ARHGAP35: variants seen among roughly 807,000 people sequenced by gnomAD.
The protein encoded by ARHGAP35 is Rho GTPase activating protein 35, also known as rho GTPase-activating protein 35.
A neutral mutation model predicts 111.1 loss-of-function variants in ARHGAP35; 15 were observed. The ratio of observed to expected loss-of-function variants is 0.13; its 90% CI spans 0.09 to 0.21. The LOEUF (loss-of-function observed/expected upper bound fraction) is 0.21, where lower values mean the gene tolerates loss of function less well. ARHGAP35 is among the 10% of genes least tolerant of loss of function. The pLI is 1.00. For missense variants in ARHGAP35, 1,262 were observed against 1,873.0 expected, an observed-to-expected ratio of 0.67 and a Z score of 6.02; for synonymous variants, 643 against 710.3, an observed-to-expected ratio of 0.91 and a Z score of 1.51.
In ARHGAP35 at chr19:46,918,446, A is replaced by T. The variant is rs1599816213; in HGVS notation, c.-188-42A>T. On this transcript the variant is annotated intron_variant, in intron 1 of 6. Coordinates refer to ENST00000672722, the MANE Select transcript of ARHGAP35 (RefSeq NM_004491.5). The surrounding 1 kb of genome is among the most constrained non-coding windows in gnomAD (Gnocchi z 5.4). ...TAATTGATTAAAATTTGGTTCTAAA[A>T]TTATGATGCTGATGGGTTTTCTTTT... Among the ~76,000 whole-genome samples, 1 of 152,302 alleles carries T rather than the reference A, an allele frequency of 6.6e-6. No homozygotes were observed. The highest frequency in any genetic ancestry group is 1.5e-5 in the Non-Finnish European group (1 of 68,030).
At chr19:46,983,654 C>A (rs1177620510) in intron 3 of ARHGAP35, among the ~76,000 whole-genome samples, 2 of 133,056 alleles carry the variant, frequency 1.5e-5, no homozygotes, top group Non-Finnish European at 3.1e-5. Context: ...CGCTTTGTCA[C>A]CCAGGCTGGA....
intron 2 of ARHGAP35, 62 bp from the exon 3 acceptor site, chr19:46,937,202 T>C: frequency 5.0e-6 from 8 of 1,589,914 alleles, no homozygotes; most frequent in Non-Finnish European, 8.6e-7. Flanking sequence ...GCCTTACTGA[T>C]GTTTAAGTTA....
At chr19:46,904,545 A>C (rs921645982) in intron 1 of ARHGAP35, among the ~76,000 whole-genome samples, 1 of 152,148 alleles carries the variant, frequency 6.6e-6, no homozygotes, top group African/African-American at 2.4e-5. Context: ...GCCACCATGA[A>C]ATTACAAAGA....
At position 47,000,003 on chromosome 19, in the gene ARHGAP35, C is replaced by T. The variant is rs751895408; in HGVS notation, c.4143-328C>T. Among the ~76,000 whole-genome samples the T allele has an allele frequency of 1.8e-4, 27 of 152,316 alleles. No individual in the cohort carries two copies. The highest frequency in any genetic ancestry group is 3.8e-4 in the Non-Finnish European group (26 of 68,014). ...TGGCGCTCTGGCTTAGGACACTCAG[C>T]CTCCCTCCCTCGTCACAGCCGGAGC... is the stretch of plus-strand genomic sequence containing the variant. On this transcript the variant is annotated intron_variant, in intron 6 of 6. Coordinates refer to ENST00000672722, the MANE Select transcript of ARHGAP35 (RefSeq NM_004491.5). This position sits in a 1 kb window ranked among gnomAD's most constrained non-coding sequence, Gnocchi z 6.9.
At chr19:46,961,343 A>G (rs1790127704) in intron 3 of ARHGAP35, among the ~76,000 whole-genome samples, 1 of 152,202 alleles carries the variant, frequency 6.6e-6, no homozygotes, top group Non-Finnish European at 1.5e-5. Flanking sequence ...CATCTATAGG[A>G]TAGATACCTC....
Position 47,000,679 on chromosome 19 carries a change from C to T in ARHGAP35, c.4491C>T (p.His1497=). The change falls in exon 7 of 7, where the codon CAC becomes CAT. Residue 1497 remains histidine (H), a synonymous_variant. Transcript: ENST00000672722. The surrounding 1 kb of genome is among the most constrained non-coding windows in gnomAD (Gnocchi z 6.9). Reference sequence around the variant, plus strand: ...TTCCCTCCCAGCTTCAAGCCGAACACACGCTGTGAGCCACCAAGACCTGGG... The same window carrying T: ...TTCCCTCCCAGCTTCAAGCCGAACATACGCTGTGAGCCACCAAGACCTGGG... ...PLLPSQLQAE[H]TL 6.3e-7 allele frequency: 1 copy of T among 1,582,194 alleles called. No individual in the cohort carries two copies.
At chr19:46,924,493 C>A (rs530650467) in intron 2 of ARHGAP35, among the ~76,000 whole-genome samples, 7 of 152,328 alleles carry the variant, frequency 4.6e-5, no homozygotes, top group African/African-American at 1.4e-4. Context: ...TAATAAATGC[C>A]ATAGGCATCC....
intron 1 of ARHGAP35, among the ~76,000 whole-genome samples, chr19:46,881,162 C>T (rs1002725154): frequency 2.0e-5 from 3 of 152,076 alleles, no homozygotes; most frequent in Non-Finnish European, 4.4e-5. Flanking sequence ...CCAGGCTGGT[C>T]TTGAACTCCT....
rs2056204704 is a variant in ARHGAP35, at chr19:46,922,034, G to A, written c.3359G>A (p.Arg1120Gln). ...DSTQGKIITI[R>Q]NINKAQSNGS... ...ACCCAAGGCAAAATCATCACCATTC[G>A]GAATATCAACAAAGCCCAGTCCAAC... Residue 1120 changes from arginine (R) to glutamine (Q), a missense_variant, in exon 2 of 7, where the codon CGG becomes CAG. Physicochemically the swap from Arg to Gln is conservative, Grantham distance 43. Coordinates refer to ENST00000672722, the MANE Select transcript of ARHGAP35 (RefSeq NM_004491.5). This position sits in a 1 kb window ranked among gnomAD's most constrained non-coding sequence, Gnocchi z 4.0. 4.3e-6 allele frequency: 7 copies of A among 1,613,948 alleles called. No homozygotes were observed. The highest frequency in any genetic ancestry group is 5.9e-6 in the Non-Finnish European group (7 of 1,179,876).
At chr19:46,927,785 A>G (rs926716855) in intron 2 of ARHGAP35, among the ~76,000 whole-genome samples, 1 of 152,108 alleles carries the variant, frequency 6.6e-6, no homozygotes, top group African/African-American at 2.4e-5. Context: ...ACCTTGCCCA[A>G]GTGAGTGTAG....
chr19:46,862,482 T>G (rs1367839416), intron 1 of ARHGAP35, among the ~76,000 whole-genome samples: 1 of 151,956 alleles, frequency 6.6e-6, no homozygotes, highest in Non-Finnish European at 1.5e-5. Context: ...CCCTTTAACC[T>G]CACTATACCT....
chr19:46,993,877 C>CCTG lies in ARHGAP35; in HGVS notation c.4036+4203_4036+4205dup, dbSNP rs1244561162. On this transcript the variant is annotated intron_variant, in intron 5 of 6. Transcript: ENST00000672722. This position sits in a 1 kb window ranked among gnomAD's most constrained non-coding sequence, Gnocchi z 4.6. ...GCCACCTTCTCTCCCGGCCCACGCC[C>CCTG]CTGGACTCCTGTCTACCCCTGACCA... Among the ~76,000 whole-genome samples the CCTG allele has an allele frequency of 6.6e-6, 1 of 152,172 alleles. No homozygotes were observed. The highest frequency in any genetic ancestry group is 1.5e-5 in the Non-Finnish European group (1 of 68,038).
At position 46,999,609 on chromosome 19, in the gene ARHGAP35, C is replaced by G. The variant is rs371452250; in HGVS notation, c.4142+200C>G. ...CTCTCGCCCATCCTCAGGCCTCCCT[C>G]CTGCTCCTGTCTGAGGGCAGCCCAC... On this transcript the variant is annotated intron_variant, in intron 6 of 6. Transcript: ENST00000672722. The surrounding 1 kb of genome is among the most constrained non-coding windows in gnomAD (Gnocchi z 5.4). 1 of 580,936 alleles carries G rather than the reference C, an allele frequency of 1.7e-6. No homozygotes were observed. 36.0% of individuals were successfully genotyped at this position (580,936 alleles called of 1,614,324 possible). A position where few individuals can be genotyped will look rare whatever the true frequency, so the allele number is the denominator to read the frequency against.
intron 3 of ARHGAP35, among the ~76,000 whole-genome samples, chr19:46,958,404 G>A (rs1175771846): frequency 6.6e-6 from 1 of 151,262 alleles, no homozygotes; most frequent in Admixed American, 6.6e-5. Context: ...AAAAAAAAGT[G>A]TATGGTTTAG....
At position 46,972,289 on chromosome 19, in the gene ARHGAP35, C is replaced by T. The variant is rs558869247; in HGVS notation, c.3827-15700C>T. 2.2e-3 allele frequency among the ~76,000 whole-genome samples: 335 copies of T among 152,182 alleles called. 1 individual carries two copies. Among genetic ancestry groups the T allele is most frequent in the Non-Finnish European group, 3.7e-3 (250 of 67,984 alleles). ...CCTCCCAAAGTGCTGGGATTACAGG[C>T]GTGAGCCACCGCTCCCGGCCAGCTA... On this transcript the variant is annotated intron_variant, in intron 3 of 6. Coordinates refer to ENST00000672722, the MANE Select transcript of ARHGAP35 (RefSeq NM_004491.5).
intron 3 of ARHGAP35, among the ~76,000 whole-genome samples, chr19:46,938,342 ATTTTATTTTTAT>A (rs565892354): frequency 6.6e-6 from 1 of 151,970 alleles, no homozygotes; most frequent in Non-Finnish European, 1.5e-5. Flanking sequence ...TTTATTTATT[ATTTTATTTTTAT>A]TTTTATTTTT....
intron 1 of ARHGAP35, among the ~76,000 whole-genome samples, chr19:46,880,516 T>C (rs2055955951): frequency 6.6e-6 from 1 of 152,198 alleles, no homozygotes; most frequent in South Asian, 2.1e-4. Context: ...CCATTTCTAA[T>C]TGTAGTTCAC....
Position 46,958,587 on chromosome 19 carries a change from C to T in ARHGAP35, c.3826+21179C>T, listed in dbSNP as rs771041528. Among the ~76,000 whole-genome samples the T allele has an allele frequency of 6.6e-5, 10 of 152,238 alleles. No homozygotes were observed. In the East Asian group the frequency reaches 1.2e-3, roughly 18 times the overall value. Reference sequence around the variant, plus strand: ...TCCTCAGACATCTGGAACTGGCCATCGGAGAGCTGCTCCAGGCAGTTGCTC... The same window carrying T: ...TCCTCAGACATCTGGAACTGGCCATTGGAGAGCTGCTCCAGGCAGTTGCTC... On this transcript the variant is annotated intron_variant, in intron 3 of 6. Coordinates refer to ENST00000672722, the MANE Select transcript of ARHGAP35 (RefSeq NM_004491.5).
chr19:46,864,360 G>T (rs1297736695), intron 1 of ARHGAP35, among the ~76,000 whole-genome samples: 1 of 152,052 alleles, frequency 6.6e-6, no homozygotes, highest in African/African-American at 2.4e-5. Flanking sequence ...CATGTTCTAG[G>T]TTTATTTATT....
Sources: gnomAD v4.1 joint callset for allele counts (sites outside exome capture counted in the v4.1 genomes callset) on GRCh38, gnomAD v4.1.1 for gene constraint, Gnocchi (gnomAD v3.1) non-coding constraint, MANE v1.5 for transcripts, NCBI Gene and HGNC (gene_info 2026-07-23, HGNC 2026-07-21) for gene names.